PREX2: variants seen among roughly 807,000 people sequenced by gnomAD.
PREX2 encodes the protein phosphatidylinositol 3,4,5-trisphosphate-dependent Rac exchanger 2 protein.
A neutral mutation model predicts 203.2 loss-of-function variants in PREX2; 107 were observed. The observed-to-expected ratio is 0.53, with a 90% CI of 0.45 to 0.62. The LOEUF is 0.62. Among genes scored for constraint, PREX2 ranks in the 20% least tolerant of loss-of-function variants. PREX2 has a pLI of 0.00. For missense variants in PREX2, 1,777 were observed against 1,955.9 expected, an observed-to-expected ratio of 0.91 and a Z score of 1.72; for synonymous variants, 672 against 663.6, an observed-to-expected ratio of 1.01 and a Z score of -0.19.
chr8:68,023,547 A>G (rs1382905690), intron 4 of PREX2, among the ~76,000 whole-genome samples: 1 of 152,138 alleles, frequency 6.6e-6, no homozygotes, highest in African/African-American at 2.4e-5. Flanking sequence ...ATATGCAAAT[A>G]TTTCCTCTCA....
At chr8:68,110,603 T>C (rs962682881) in intron 25 of PREX2, among the ~76,000 whole-genome samples, 1 of 151,924 alleles carries the variant, frequency 6.6e-6, no homozygotes, top group African/African-American at 2.4e-5. Context: ...ATGTGAACTC[T>C]TTTAACTTCA....
At position 68,158,332 on chromosome 8, in the gene PREX2, T is replaced by A. The variant is rs1426659735; in HGVS notation, c.4346+896T>A. On this transcript the variant is annotated intron_variant, in intron 35 of 39. Transcript: ENST00000288368. ...CTATTTTGACATTTTTAATTTTTTGTCCTGTCAACTTAAAAGGAAGAACCT... is the reference window on the plus strand; with the variant it reads ...CTATTTTGACATTTTTAATTTTTTGACCTGTCAACTTAAAAGGAAGAACCT... Among the ~76,000 whole-genome samples, 3 of 152,188 alleles carry A rather than the reference T, an allele frequency of 2.0e-5. No homozygotes were observed. In the East Asian group the frequency reaches 5.8e-4, roughly 29 times the overall value.
At chr8:68,017,419 A>G (rs1308210722) in intron 1 of PREX2, among the ~76,000 whole-genome samples, 4 of 152,066 alleles carry the variant, frequency 2.6e-5, no homozygotes, top group Non-Finnish European at 4.4e-5. Context: ...CAACCTACCT[A>G]CCTATCTTCT....
Position 68,108,305 on chromosome 8 carries a change from A to G in PREX2, c.2912A>G (p.Asp971Gly), listed in dbSNP as rs770555756. 1.2e-6 allele frequency: 2 copies of G among 1,613,694 alleles called. No individual in the cohort carries two copies. The highest frequency in any genetic ancestry group is 1.7e-6 in the Non-Finnish European group (2 of 1,179,724). ...GATAGCAGGAAGCATAATTCTCATGATAAAGAAAACAAATCTTCGGAGCAA... is the reference window on the plus strand; with the variant it reads ...GATAGCAGGAAGCATAATTCTCATGGTAAAGAAAACAAATCTTCGGAGCAA... ...QLDSRKHNSH[D>G]KENKSSEQGK... The change falls in exon 24 of 40, where the codon GAT becomes GGT. Residue 971 changes from aspartate (D) to glycine (G), a missense_variant. Transcript: ENST00000288368.
At chr8:68,155,220 A>G (rs1013885698) in intron 34 of PREX2, among the ~76,000 whole-genome samples, 4 of 152,166 alleles carry the variant, frequency 2.6e-5, no homozygotes, top group Non-Finnish European at 4.4e-5. Context: ...CCAAAGTGTC[A>G]TATTTTAAGG....
intron 1 of PREX2, among the ~76,000 whole-genome samples, chr8:67,975,288 T>G (rs1806045416): frequency 6.8e-6 from 1 of 147,316 alleles, no homozygotes; most frequent in Non-Finnish European, 1.5e-5. Context: ...TTTTTTTTTT[T>G]TTTTTTTTTT....
chr8:68,018,679 A>G (rs190075339), intron 2 of PREX2, among the ~76,000 whole-genome samples: 17 of 152,228 alleles, frequency 1.1e-4, no homozygotes, highest in African/African-American at 3.6e-4. Context: ...AAACAGACAT[A>G]TAATCGTTTC....
rs183660231 is a variant in PREX2 at position 68,015,108 on chromosome 8, C to A, written c.142-2738C>A. ...TAGAATCCTTCATGTATTTTTGTGA[C>A]TAGGCTACTAATGCTTCCTTGATTG... is the stretch of plus-strand genomic sequence containing the variant. On this transcript the variant is annotated intron_variant, in intron 1 of 39. Coordinates refer to ENST00000288368, the MANE Select transcript of PREX2 (RefSeq NM_024870.4). Among the ~76,000 whole-genome samples the A allele has an allele frequency of 4.5e-4, 68 of 152,278 alleles. 1 individual carries two copies. Among genetic ancestry groups the A allele is most frequent in the Non-Finnish European group, 3.1e-4 (21 of 68,018 alleles).
intron 1 of PREX2, among the ~76,000 whole-genome samples, chr8:67,980,345 A>C (rs1806230185): frequency 6.6e-6 from 1 of 152,122 alleles, no homozygotes. Flanking sequence ...GGGACTGGTA[A>C]CCCTTTGTGG....
At chr8:68,221,190 A>G (rs1812947422) in intron 38 of PREX2, among the ~76,000 whole-genome samples, 1 of 152,200 alleles carries the variant, frequency 6.6e-6, no homozygotes, top group Non-Finnish European at 1.5e-5. Context: ...TGCAAAGAAC[A>G]TGATTTTATC....
At chr8:68,037,592 C>T (rs1808070389) in intron 6 of PREX2, among the ~76,000 whole-genome samples, 1 of 152,156 alleles carries the variant, frequency 6.6e-6, no homozygotes, top group African/African-American at 2.4e-5. Context: ...GCTATAAACA[C>T]TTATTTAATT....
At chr8:68,204,928 G>A (rs1812586885) in intron 37 of PREX2, among the ~76,000 whole-genome samples, 1 of 151,682 alleles carries the variant, frequency 6.6e-6, no homozygotes. Flanking sequence ...TGATCCGCCC[G>A]CCTCGGCCTC....
chr8:68,085,786 C>T (rs1324689593), intron 18 of PREX2, among the ~76,000 whole-genome samples: 1 of 152,118 alleles, frequency 6.6e-6, no homozygotes, highest in Non-Finnish European at 1.5e-5. Context: ...AAATAATTCT[C>T]TTAAAGATTA....
At chr8:68,106,447 A>C (rs911441693) in intron 23 of PREX2, 67 of 432,614 alleles carry the variant, frequency 1.5e-4, no homozygotes, top group Non-Finnish European at 2.6e-4. Context: ...TTATTATTAA[A>C]TTTGCTCATC....
At chr8:67,973,451 T>A (rs2129019477) in intron 1 of PREX2, among the ~76,000 whole-genome samples, 1 of 152,312 alleles carries the variant, frequency 6.6e-6, no homozygotes, top group South Asian at 2.1e-4. Context: ...CCTTTCTGCC[T>A]CTACTTATGT....
intron 37 of PREX2, among the ~76,000 whole-genome samples, chr8:68,212,151 A>G (rs1166800193): frequency 6.6e-6 from 1 of 152,056 alleles, no homozygotes; most frequent in Non-Finnish European, 1.5e-5. Context: ...TGAGCTCCAC[A>G]CTTGTTCATG....
At chr8:68,172,352 C>G (rs905725538) in intron 35 of PREX2, among the ~76,000 whole-genome samples, 1 of 152,176 alleles carries the variant, frequency 6.6e-6, no homozygotes, top group South Asian at 2.1e-4. Flanking sequence ...ACTGCGGGTA[C>G]TTGCATGTAT....
At chr8:67,962,073 C>G (rs981988150) in intron 1 of PREX2, among the ~76,000 whole-genome samples, 1 of 152,014 alleles carries the variant, frequency 6.6e-6, no homozygotes, top group Non-Finnish European at 1.5e-5. Context: ...CATCTGAAAA[C>G]TTTGTTTCTC....
chr8:67,985,914 T>C (rs1401528255), intron 1 of PREX2, among the ~76,000 whole-genome samples: 4 of 152,148 alleles, frequency 2.6e-5, no homozygotes, highest in African/African-American at 9.6e-5. Context: ...TATCAGACCA[T>C]GTGGTTTCTA....
Sources: allele counts gnomAD v4.1 joint callset (sites outside exome capture counted in the v4.1 genomes callset), GRCh38; gene constraint gnomAD v4.1.1; transcripts MANE v1.5; gene names NCBI Gene and HGNC (gene_info 2026-07-23, HGNC 2026-07-21).